Variants in PIGG observed in about 807,000 individuals in gnomAD.
The protein encoded by PIGG is GPI ethanolamine phosphate transferase 2, catalytic subunit.
A neutral mutation model predicts 83.2 loss-of-function variants in PIGG; 70 were observed. The ratio of observed to expected loss-of-function variants is 0.84; its 90% CI spans 0.69 to 1.03. PIGG has a LOEUF of 1.03. PIGG is among the 50% of genes least tolerant of loss of function. The pLI is 0.00. For missense variants in PIGG, 1,257 were observed against 1,233.6 expected, an observed-to-expected ratio of 1.02 and a Z score of -0.28; for synonymous variants, 532 against 519.5, an observed-to-expected ratio of 1.02 and a Z score of -0.33.
At chr4:538,806 C>T (rs1312679613) in intron 12 of PIGG, among the ~76,000 whole-genome samples, 2 of 152,168 alleles carry the variant, frequency 1.3e-5, no homozygotes, top group African/African-American at 2.4e-5. Context: ...CTGGAGAGCT[C>T]AAGGTGTGTG....
At chr4:530,145 C>A (rs1043835594) in intron 10 of PIGG, among the ~76,000 whole-genome samples, 1 of 152,128 alleles carries the variant, frequency 6.6e-6, no homozygotes, top group Non-Finnish European at 1.5e-5. Context: ...GGTCGTGCCA[C>A]CAGATGAGCC....
chr4:523,664 G>A lies in PIGG; in HGVS notation c.1820G>A (p.Cys607Tyr). 1.2e-6 allele frequency: 2 copies of A among 1,614,106 alleles called. No homozygotes were observed. Among genetic ancestry groups the A allele is most frequent in the Non-Finnish European group, 1.7e-6 (2 of 1,179,958 alleles). ...YFLGDDGEPP[C>Y]GLCVEQGHDG... The stretch of plus-strand genomic sequence containing the variant: ...CTGGGAGATGACGGTGAGCCTCCGT[G>A]TGGCCTCTGTGTGGAACAAGGGCAT... Residue 607 changes from cysteine to tyrosine, a missense_variant, in exon 9 of 13, where the codon TGT becomes TAT. Cys to Tyr is a radical substitution (Grantham distance 194). Coordinates refer to ENST00000453061, the MANE Select transcript of PIGG (RefSeq NM_001127178.3).
chr4:535,538 G>C (rs1018372209), intron 12 of PIGG, among the ~76,000 whole-genome samples: 16 of 127,338 alleles, frequency 1.3e-4, no homozygotes, highest in Admixed American at 3.0e-4. Flanking sequence ...CGTGTGTCCT[G>C]TGGTGACCGG....
intron 2 of PIGG, 84 bp from the exon 3 acceptor site, chr4:505,632 CAA>C (rs374663154): frequency 0.021 from 15,202 of 715,590 alleles, no homozygotes; most frequent in East Asian, 0.028. Context: ...GACCCTGTCT[CAA>C]AAAAAAAAAA....
chr4:513,909 G>C (rs1159335255), intron 5 of PIGG, among the ~76,000 whole-genome samples: 1 of 152,178 alleles, frequency 6.6e-6, no homozygotes, highest in Non-Finnish European at 1.5e-5. Flanking sequence ...TGGGGACTTG[G>C]TGACAAAGGT....
chr4:512,807 C>G (rs191788810), intron 5 of PIGG, among the ~76,000 whole-genome samples: 1 of 151,962 alleles, frequency 6.6e-6, no homozygotes, highest in Admixed American at 6.5e-5. Flanking sequence ...GAGTGAGACT[C>G]CATCTAAAAA....
rs987019905 is a variant in PIGG at position 521,025 on chromosome 4, C to T, written c.1115-31C>T. On this transcript the variant is annotated intron_variant, in intron 6 of 12. Coordinates refer to ENST00000453061, the MANE Select transcript of PIGG (RefSeq NM_001127178.3). ...TAAATGTATGTTCACGGTGTGTGTGCGCGCCTGTAACCTTTCTGTCTTCTT... is the reference window on the plus strand; with the variant it reads ...TAAATGTATGTTCACGGTGTGTGTGTGCGCCTGTAACCTTTCTGTCTTCTT... 8.4e-6 allele frequency: 12 copies of T among 1,432,352 alleles called. No individual in the cohort carries two copies. In the African/African-American group the frequency reaches 8.4e-5, roughly 10 times the overall value. The allele number at this position is 1,432,352 out of a possible 1,614,324, so 88.7% of individuals were successfully genotyped here. A position where few individuals can be genotyped will look rare whatever the true frequency, so the allele number is the denominator to read the frequency against.
chr4:525,369 G>A (rs746315662), intron 9 of PIGG: 11 of 985,396 alleles, frequency 1.1e-5, no homozygotes, highest in Non-Finnish European at 1.3e-5. Flanking sequence ...TAAAGCAAAA[G>A]AAGCAGCACA....
intron 2 of PIGG, among the ~76,000 whole-genome samples, chr4:502,688 C>T (rs1237081562): frequency 3.3e-5 from 5 of 152,150 alleles, no homozygotes; most frequent in African/African-American, 1.2e-4. Context: ...CACTCGCTGT[C>T]TGCACGCTTT....
chr4:528,786 C>T lies in PIGG; in HGVS notation c.2261+1556C>T, dbSNP rs1728331060. The stretch of plus-strand genomic sequence containing the variant: ...TGGCCCTCTTCCCTTTCCTGGCCTG[C>T]TTCCTGCAGCATGTAATTTGCTAGT... On this transcript the variant is annotated intron_variant, in intron 10 of 12. Coordinates refer to ENST00000453061, the MANE Select transcript of PIGG (RefSeq NM_001127178.3). The surrounding 1 kb of genome is among the most constrained non-coding windows in gnomAD (Gnocchi z 4.8). The T allele has an allele frequency of 1.1e-6, 1 of 925,918 alleles. No homozygotes were observed. The highest frequency in any genetic ancestry group is 6.2e-5 in the Admixed American group (1 of 16,194). 57.4% of individuals were successfully genotyped at this position (925,918 alleles called of 1,614,324 possible).
intron 12 of PIGG, among the ~76,000 whole-genome samples, chr4:536,510 G>A (rs938192984): frequency 6.6e-6 from 1 of 152,230 alleles, no homozygotes; most frequent in Non-Finnish European, 1.5e-5. Flanking sequence ...CCACTGTGGC[G>A]GCGCTGTGTG....
In PIGG at chr4:527,096, T is replaced by C. The variant is rs1038061388; in HGVS notation, c.2127T>C (p.Phe709=). ...VLAALSLLVV[F]VLVQRGCSPV... ...CTGCCCTCTCCCTCCTCGTAGTTTT[T>C]GTGCTGGTGCAGAGGGGGTGCTCCC... The change falls in exon 10 of 13, where the codon TTT becomes TTC. Residue 709 remains phenylalanine, a synonymous_variant. Coordinates refer to ENST00000453061, the MANE Select transcript of PIGG (RefSeq NM_001127178.3). 3.1e-6 allele frequency: 5 copies of C among 1,614,014 alleles called. No homozygotes were observed. Among genetic ancestry groups the C allele is most frequent in the Non-Finnish European group, 4.2e-6 (5 of 1,179,960 alleles).
chr4:513,780 C>A lies in PIGG; in HGVS notation c.902-2193C>A, dbSNP rs73072138. ...TCGTCAGTGGGGCGCAATCCACAGG[C>A]CTACCCTGTGTTTGTATTTCAGAAT... On this transcript the variant is annotated intron_variant, in intron 5 of 12. Transcript: ENST00000453061. 7.7e-3 allele frequency among the ~76,000 whole-genome samples: 1,173 copies of A among 152,218 alleles called. 17 individuals carry two copies. The highest frequency in any genetic ancestry group is 0.027 in the African/African-American group (1,105 of 41,502).
chr4:516,231 C>T (rs1032810585), intron 6 of PIGG, 46 bp downstream of exon 6: 1 of 1,346,198 alleles, frequency 7.4e-7, no homozygotes, highest in Non-Finnish European at 1.1e-6. Context: ...TGTGTGTTTC[C>T]ACTGAGCTCG....
In PIGG at chr4:521,911, C is replaced by T. The variant is rs1329085148; in HGVS notation, c.1584C>T (p.Asn528=). The T allele has an allele frequency of 5.6e-6, 9 of 1,614,082 alleles. No homozygotes were observed. The highest frequency in any genetic ancestry group is 1.6e-4 in the Middle Eastern group (1 of 6,084). ...GTGTGATTGTGTCTGTTCTGACCAACGTGCTCGTGGGTGGAAACACCCCAA... is the reference window on the plus strand; with the variant it reads ...GTGTGATTGTGTCTGTTCTGACCAATGTGCTCGTGGGTGGAAACACCCCAA... ...LLCVIVSVLT[N]VLVGGNTPRK... Residue 528 remains asparagine, a synonymous_variant, in exon 8 of 13, where the codon AAC becomes AAT. Coordinates refer to ENST00000453061, the MANE Select transcript of PIGG (RefSeq NM_001127178.3).
In PIGG at chr4:505,754, G is replaced by C. The variant is rs782516530; in HGVS notation, c.397G>C (p.Val133Leu). The C allele has an allele frequency of 6.2e-7, 1 of 1,613,256 alleles. No homozygotes were observed. The highest frequency in any genetic ancestry group is 1.3e-5 in the African/African-American group (1 of 74,646). The stretch of plus-strand genomic sequence containing the variant: ...GGGGAGCCTTCCTGGCTTTGTCGAC[G>C]TCATCAGGAACCTCAATTCTCCTGC... ...MTGSLPGFVD[V>L]IRNLNSPALL... The change falls in exon 3 of 13, where the codon GTC (valine) becomes CTC (leucine). Residue 133 changes from valine to leucine, a missense_variant. Physicochemically the swap from Val to Leu is conservative, Grantham distance 32 (BLOSUM62 1). Transcript: ENST00000453061.
In PIGG at chr4:528,380, A is replaced by C; in HGVS notation, c.2261+1150A>C. ...TAATAAGTGTTGCTTTTCTAATCAC[A>C]GCAAGTCAAGGTGACTGCTGAGGGC... On this transcript the variant is annotated intron_variant, in intron 10 of 12. Transcript: ENST00000453061. This position sits in a 1 kb window ranked among gnomAD's most constrained non-coding sequence, Gnocchi z 4.8. 1.0e-6 allele frequency: 1 copy of C among 985,412 alleles called. No individual in the cohort carries two copies. The highest frequency in any genetic ancestry group is 1.2e-6 in the Non-Finnish European group (1 of 829,898). 61.0% of individuals were successfully genotyped at this position (985,412 alleles called of 1,614,324 possible). A position where few individuals can be genotyped will look rare whatever the true frequency, so the allele number is the denominator to read the frequency against.
chr4:530,249 G>A (rs922845284), intron 10 of PIGG, among the ~76,000 whole-genome samples, 187 bp from the exon 11 acceptor site: 1 of 152,170 alleles, frequency 6.6e-6, no homozygotes, highest in African/African-American at 2.4e-5. Context: ...CAGGGCTGCT[G>A]TGCGGAGGAG....
intron 12 of PIGG, among the ~76,000 whole-genome samples, chr4:534,711 G>T (rs1022055796): frequency 1.3e-5 from 2 of 152,190 alleles, no homozygotes; most frequent in Non-Finnish European, 2.9e-5. Context: ...GTTCCACCGG[G>T]GGGACCCCAG....
Sources: gnomAD v4.1 joint callset for allele counts (sites outside exome capture counted in the v4.1 genomes callset) on GRCh38, gnomAD v4.1.1 for gene constraint, Gnocchi (gnomAD v3.1) non-coding constraint, MANE v1.5 for transcripts, NCBI Gene and HGNC (gene_info 2026-07-23, HGNC 2026-07-21) for gene names.